Variants in HTT observed in about 807,000 individuals in gnomAD.
HTT encodes the protein huntington disease protein.
In HTT, 104 loss-of-function variants were observed where a neutral mutation model predicts 362.3. That is an observed-to-expected ratio of 0.29 (90% CI 0.24 to 0.34). The LOEUF (loss-of-function observed/expected upper bound fraction) is 0.34, where lower values mean the gene tolerates loss of function less well. Ranked by LOEUF, HTT falls within the 10% of genes least tolerant of loss-of-function variation. HTT has a pLI of 1.00. For synonymous variants in HTT, 1,577 were observed against 1,548.7 expected, an observed-to-expected ratio of 1.02 and a Z score of -0.43; for missense variants, 3,301 against 3,928.6, an observed-to-expected ratio of 0.84 and a Z score of 4.27.
intron 3 of HTT, among the ~76,000 whole-genome samples, chr4:3,102,129 G>T (rs1714190473): frequency 6.6e-6 from 1 of 152,198 alleles, no homozygotes; most frequent in Non-Finnish European, 1.5e-5. Context: ...GGTAGAGGAG[G>T]ACAGGTGGGA....
Position 3,151,417 on chromosome 4 carries a change from AAGG to A in HTT, c.3499-2873_3499-2871del, listed in dbSNP as rs971738504. Among the ~76,000 whole-genome samples, 93 of 151,784 alleles carry A rather than the reference AAGG, an allele frequency of 6.1e-4. 1 individual carries two copies. The highest frequency in any genetic ancestry group is 3.5e-3 in the Admixed American group (53 of 15,238). ...GATTGAGAGGGAGAGAGGAGGGAGA[AAGG>A]AGAGTGCCTGTAGGGGGAGTTGCTA... On this transcript the variant is annotated intron_variant, in intron 26 of 66. Coordinates refer to ENST00000355072, the MANE Select transcript of HTT (RefSeq NM_001388492.1).
At chr4:3,094,735 C>T (rs1326315991) in intron 2 of HTT, among the ~76,000 whole-genome samples, 3 of 142,860 alleles carry the variant, frequency 2.1e-5, no homozygotes, top group African/African-American at 5.3e-5. Context: ...CCGGACGGAG[C>T]GGCTGCCGGG....
chr4:3,200,647 A>G (rs978051372), intron 41 of HTT, among the ~76,000 whole-genome samples: 1 of 152,216 alleles, frequency 6.6e-6, no homozygotes, highest in South Asian at 2.1e-4. Context: ...TCTGCTCAGT[A>G]TGGATACTGG....
At chr4:3,234,746 G>A (rs1056955850) in intron 61 of HTT, among the ~76,000 whole-genome samples, 1 of 152,188 alleles carries the variant, frequency 6.6e-6, no homozygotes, top group Non-Finnish European at 1.5e-5. Context: ...ACAGATATAC[G>A]CATCACTGGG....
Position 3,157,164 on chromosome 4 carries a change from C to T in HTT, c.3718C>T (p.His1240Tyr), listed in dbSNP as rs989500147. The T allele has an allele frequency of 6.2e-7, 1 of 1,613,616 alleles. No homozygotes were observed. The highest frequency in any genetic ancestry group is 8.5e-7 in the Non-Finnish European group (1 of 1,179,736). ...TCATCTTCCTTCATACCTCAAACTG[C>T]ATGATGTCCTGAAAGCTACACACGC... is the stretch of plus-strand genomic sequence containing the variant. ...FYHLPSYLKL[H>Y]DVLKATHANY... The change falls in exon 28 of 67, where the codon CAT (histidine) becomes TAT (tyrosine). Residue 1240 changes from histidine to tyrosine, a missense_variant. Transcript: ENST00000355072.
intron 41 of HTT, among the ~76,000 whole-genome samples, chr4:3,202,658 G>T (rs1719637835): frequency 6.6e-6 from 1 of 152,024 alleles, no homozygotes; most frequent in Admixed American, 6.6e-5. Flanking sequence ...CCCCTCCCCA[G>T]GTCTAACCAC....
intron 33 of HTT, among the ~76,000 whole-genome samples, chr4:3,176,279 G>A (rs1200792507): frequency 2.0e-5 from 3 of 152,046 alleles, no homozygotes; most frequent in Non-Finnish European, 2.9e-5. Context: ...TGCCCGCCTC[G>A]GCCTCCCAAA....
At chr4:3,152,235 A>T (rs1300234609) in intron 26 of HTT, among the ~76,000 whole-genome samples, 4 of 151,564 alleles carry the variant, frequency 2.6e-5, no homozygotes, top group African/African-American at 9.7e-5. Context: ...AGTAGTTGGG[A>T]TTACAGGCGC....
intron 39 of HTT, chr4:3,188,426 C>T (rs1337234529): frequency 6.1e-6 from 1 of 164,742 alleles, no homozygotes; most frequent in African/African-American, 2.4e-5. Flanking sequence ...TCCCTCTCCA[C>T]CTTTGCTAGA....
At chr4:3,155,803 C>G (rs1054781138) in intron 27 of HTT, among the ~76,000 whole-genome samples, 9 of 143,750 alleles carry the variant, frequency 6.3e-5, no homozygotes, top group African/African-American at 2.3e-4. Context: ...GAGGCTGAGG[C>G]AGGAGAATTG....
At chr4:3,176,290 G>C (rs1442514701) in intron 33 of HTT, among the ~76,000 whole-genome samples, 1 of 152,202 alleles carries the variant, frequency 6.6e-6, no homozygotes, top group Non-Finnish European at 1.5e-5. Context: ...GCCTCCCAAA[G>C]TGCTGGGATG....
chr4:3,212,801 G>A (rs1287199323), intron 49 of HTT, 92 bp downstream of exon 49: 4 of 1,342,492 alleles, frequency 3.0e-6, no homozygotes, highest in Admixed American at 1.8e-5. Context: ...TGAAAAGCAA[G>A]ATCTCTGACC....
chr4:3,134,964 C>T (rs1715991496), intron 19 of HTT, among the ~76,000 whole-genome samples: 1 of 115,896 alleles, frequency 8.6e-6, no homozygotes, highest in Non-Finnish European at 1.8e-5. Context: ...CTTGATTGAT[C>T]CTCCATCTTG....
rs563636870 is a variant in HTT, at chr4:3,239,846, C to T, written c.9216C>T (p.Ile3072=). Residue 3072 remains isoleucine (I), a splice_region_variant and synonymous_variant, in exon 67 of 67, where the codon ATC becomes ATT. Coordinates refer to ENST00000355072, the MANE Select transcript of HTT (RefSeq NM_001388492.1). The part of the protein sequence containing the change: ...SASTSPWVAA[I]LPHVISRMGK... ...CCTTTTTCCTTAACTCCTGCACCAG[C>T]CTCCCACATGTCATCAGCAGGATGG... The T allele has an allele frequency of 1.9e-6, 3 of 1,554,534 alleles. No homozygotes were observed. The highest frequency in any genetic ancestry group is 2.4e-5 in the East Asian group (1 of 41,472).
chr4:3,201,218 T>G (rs1410320709), intron 41 of HTT, among the ~76,000 whole-genome samples: 2 of 152,244 alleles, frequency 1.3e-5, no homozygotes, highest in Non-Finnish European at 2.9e-5. Context: ...TTGTTCCTTC[T>G]ATTATCCTGA....
intron 6 of HTT, among the ~76,000 whole-genome samples, chr4:3,110,479 A>C (rs539229160): frequency 3.5e-4 from 54 of 152,260 alleles, no homozygotes; most frequent in Non-Finnish European, 5.4e-4. Flanking sequence ...ATTAGCCTGG[A>C]ATTTCCTTTG....
At chr4:3,083,831 A>G (rs951776593) in intron 1 of HTT, among the ~76,000 whole-genome samples, 2 of 152,178 alleles carry the variant, frequency 1.3e-5, no homozygotes, top group African/African-American at 4.8e-5. Flanking sequence ...ATAAAAACCT[A>G]TACTCAAGTA....
chr4:3,082,396 T>G (rs1712958774), intron 1 of HTT, among the ~76,000 whole-genome samples: 1 of 152,224 alleles, frequency 6.6e-6, no homozygotes, highest in Non-Finnish European at 1.5e-5. Context: ...TTAGTCTTAT[T>G]CAGACAACAA....
Position 3,127,310 on chromosome 4 carries a change from G to A in HTT, c.1449G>A (p.Gly483=). 1 of 1,614,212 alleles carries A rather than the reference G, an allele frequency of 6.2e-7. No individual in the cohort carries two copies. Among genetic ancestry groups the A allele is most frequent in the South Asian group, 1.1e-5 (1 of 91,088 alleles). The change falls in exon 12 of 67, where the codon GGG becomes GGA. Residue 483 remains glycine, a synonymous_variant. Transcript: ENST00000355072. ...GTGGAGAGCTGGCTGCTTCTTCAGG[G>A]GTTTCCACTCCAGGGTCAGCAGGTC... ...EISGELAASS[G]VSTPGSAGHD... is the part of the protein sequence containing the mutation.
Sources: gnomAD v4.1 joint callset for allele counts (sites outside exome capture counted in the v4.1 genomes callset) on GRCh38, gnomAD v4.1.1 for gene constraint, MANE v1.5 for transcripts, NCBI Gene and HGNC (gene_info 2026-07-23, HGNC 2026-07-21) for gene names.